The following KCNN2 variants were observed in gnomAD, a reference collection of about 807,000 sequenced individuals.
KCNN2 encodes the protein small conductance calcium-activated potassium channel protein 2.
KCNN2 carries 24 observed loss-of-function variants against 55.5 expected under a neutral mutation model. The ratio of observed to expected loss-of-function variants is 0.43; its 90% confidence interval spans 0.31 to 0.61. The LOEUF (loss-of-function observed/expected upper bound fraction) is 0.61, where lower values mean the gene tolerates loss of function less well. KCNN2 is among the 20% of genes least tolerant of loss of function. The pLI is 0.08. For missense variants in KCNN2, 754 were observed against 853.6 expected, an observed-to-expected ratio of 0.88 and a Z score of 1.45; for synonymous variants, 431 against 336.1, an observed-to-expected ratio of 1.28 and a Z score of -3.09.
intron 1 of KCNN2, among the ~76,000 whole-genome samples, chr5:114,212,343 C>A (rs948521479): frequency 6.6e-6 from 1 of 151,902 alleles, no homozygotes; most frequent in Non-Finnish European, 1.5e-5. Context: ...TGATGATAGG[C>A]AAATCTATAG....
intron 2 of KCNN2, among the ~76,000 whole-genome samples, chr5:114,344,012 C>T (rs575231100): frequency 3.9e-5 from 6 of 152,180 alleles, no homozygotes; most frequent in South Asian, 2.1e-4. Context: ...ATTCTTTAAA[C>T]ATGCACTGGA....
intron 2 of KCNN2, among the ~76,000 whole-genome samples, chr5:114,300,005 G>C (rs1169206850): frequency 8.4e-6 from 1 of 118,934 alleles, no homozygotes; most frequent in Non-Finnish European, 1.7e-5. Context: ...CAGAAAGCCT[G>C]GTGGTGATTC....
intron 1 of KCNN2, among the ~76,000 whole-genome samples, chr5:114,187,133 T>G (rs1057237181): frequency 2.8e-4 from 42 of 152,208 alleles, no homozygotes; most frequent in Non-Finnish European, 5.6e-4. Flanking sequence ...GTTATTAATT[T>G]TATCCTAAAT....
intron 1 of KCNN2, among the ~76,000 whole-genome samples, chr5:114,080,422 T>A (rs1400492429): frequency 6.6e-6 from 1 of 152,206 alleles, no homozygotes; most frequent in African/African-American, 2.4e-5. Context: ...CTTCCGGGCC[T>A]GGAGATGTCT....
At chr5:114,262,684 T>C (rs957116217) in intron 2 of KCNN2, among the ~76,000 whole-genome samples, 1 of 152,240 alleles carries the variant, frequency 6.6e-6, no homozygotes, top group African/African-American at 2.4e-5. Flanking sequence ...GTGAAACTTA[T>C]GTTTTTAAAA....
chr5:114,395,405 G>A (rs1438148086), intron 2 of KCNN2, among the ~76,000 whole-genome samples: 9 of 152,196 alleles, frequency 5.9e-5, no homozygotes, highest in South Asian at 2.1e-4. Flanking sequence ...CTCTGGCCAA[G>A]ACTGTTAACC....
chr5:114,128,975 G>A (rs1751995227), intron 1 of KCNN2, among the ~76,000 whole-genome samples: 1 of 152,150 alleles, frequency 6.6e-6, no homozygotes, highest in Admixed American at 6.5e-5. Flanking sequence ...GGTCCTCCTT[G>A]AAAACAGATA....
chr5:114,388,108 A>G (rs925269214), intron 2 of KCNN2, among the ~76,000 whole-genome samples: 5 of 152,138 alleles, frequency 3.3e-5, no homozygotes, highest in South Asian at 2.1e-4. Context: ...TTATTTTACA[A>G]CTTGCTTTTT....
At chr5:114,395,018 T>G (rs540146451) in intron 2 of KCNN2, among the ~76,000 whole-genome samples, 1 of 152,328 alleles carries the variant, frequency 6.6e-6, no homozygotes, top group South Asian at 2.1e-4. Context: ...AAGCCCCAGT[T>G]TTTTGCTGAG....
chr5:114,287,445 G>A (rs1755776825), intron 2 of KCNN2, among the ~76,000 whole-genome samples: 1 of 152,122 alleles, frequency 6.6e-6, no homozygotes. Flanking sequence ...CATGTCCTTT[G>A]CAGGGACATG....
chr5:114,367,707 A>G (rs1180296786), intron 2 of KCNN2, among the ~76,000 whole-genome samples: 2 of 152,046 alleles, frequency 1.3e-5, no homozygotes, highest in African/African-American at 4.8e-5. Context: ...TCTGATGGAT[A>G]AAGTACAAAA....
At chr5:114,148,819 A>G (rs1256650224) in intron 1 of KCNN2, among the ~76,000 whole-genome samples, 1 of 152,134 alleles carries the variant, frequency 6.6e-6, no homozygotes, top group East Asian at 1.9e-4. Context: ...ATTCCTCATC[A>G]TGATCAGAAG....
At chr5:114,091,908 T>A (rs943932498) in intron 1 of KCNN2, among the ~76,000 whole-genome samples, 1 of 152,194 alleles carries the variant, frequency 6.6e-6, no homozygotes, top group Non-Finnish European at 1.5e-5. Flanking sequence ...GGGATTATGA[T>A]TCAAGATGAG....
rs144044374 is a variant in KCNN2, at chr5:114,204,898, G to T, written c.-270-16582G>T. 5.9e-5 allele frequency among the ~76,000 whole-genome samples: 9 copies of T among 152,274 alleles called. No homozygotes were observed. In the East Asian group the frequency reaches 1.7e-3, roughly 29 times the overall value. ...TCCTTATTAATACAATTTCCAAAAC[G>T]TAGTAAAGGTCACATCAAGACATTA... On this transcript the variant is annotated intron_variant, in intron 1 of 10. Transcript: ENST00000512097.
chr5:114,316,101 G>A (rs1361209536), intron 2 of KCNN2, among the ~76,000 whole-genome samples: 1 of 152,132 alleles, frequency 6.6e-6, no homozygotes, highest in African/African-American at 2.4e-5. Context: ...CACGCATATA[G>A]TGTGTGTGTT....
At position 114,326,933 on chromosome 5, in the gene KCNN2, C is replaced by T. The variant is rs553866207; in HGVS notation, c.-184-34012C>T. ...ACTGTTTAAAGGCTAAAGGAAAACA[C>T]GCCAAAATGAGGTACTTTTCTATCT... On this transcript the variant is annotated intron_variant, in intron 2 of 10. Coordinates refer to the KCNN2 transcript ENST00000512097. Among the ~76,000 whole-genome samples, 63 of 152,226 alleles carry T rather than the reference C, an allele frequency of 4.1e-4. 1 individual carries two copies. Among genetic ancestry groups the T allele is most frequent in the African/African-American group, 1.5e-3 (62 of 41,556 alleles).
chr5:114,420,799 T>G (rs1759450433), intron 3 of KCNN2, among the ~76,000 whole-genome samples: 1 of 152,254 alleles, frequency 6.6e-6, no homozygotes, highest in South Asian at 2.1e-4. Context: ...AGATGGTAGC[T>G]TTCCTCTCCC....
intron 2 of KCNN2, among the ~76,000 whole-genome samples, chr5:114,292,912 T>C (rs1019829613): frequency 1.3e-5 from 2 of 152,222 alleles, no homozygotes; most frequent in Non-Finnish European, 2.9e-5. Context: ...TTCACATCCC[T>C]TGTAAGTTGG....
chr5:114,135,928 T>A (rs533413772), intron 1 of KCNN2, among the ~76,000 whole-genome samples: 9 of 152,116 alleles, frequency 5.9e-5, no homozygotes, highest in African/African-American at 2.2e-4. Flanking sequence ...AGTTTAGGAA[T>A]TCAGAGGTGG....
Sources: gnomAD v4.1 joint callset for allele counts (sites outside exome capture counted in the v4.1 genomes callset) on GRCh38, gnomAD v4.1.1 for gene constraint, MANE v1.5 for transcripts, NCBI Gene and HGNC (gene_info 2026-07-23, HGNC 2026-07-21) for gene names.